The following RBFOX1 variants were observed in gnomAD, a reference collection of about 807,000 sequenced individuals.
The protein encoded by RBFOX1 is RNA binding protein fox-1 homolog 1.
Under a neutral mutation model 57.7 loss-of-function variants are expected in RBFOX1, and 8 were observed. The ratio of observed to expected loss-of-function variants is 0.14; its 90% confidence interval spans 0.08 to 0.25. The LOEUF (loss-of-function observed/expected upper bound fraction) is 0.25. RBFOX1 is among the 10% of genes least tolerant of loss of function. The pLI is 1.00. For missense variants in RBFOX1, 611 were observed against 548.5 expected (o/e 1.11, Z -1.14); for synonymous variants, 326 against 222.4 (o/e 1.47, Z -4.15).
intron 3 of RBFOX1, among the ~76,000 whole-genome samples, chr16:6,990,287 G>T (rs1210635587): frequency 1.3e-5 from 2 of 152,100 alleles, no homozygotes; most frequent in East Asian, 1.9e-4. Flanking sequence ...TACTTTGGGA[G>T]GCCGAGGCGG....
chr16:7,477,400 C>T (rs1436160992), intron 4 of RBFOX1, among the ~76,000 whole-genome samples: 2 of 152,122 alleles, frequency 1.3e-5, no homozygotes, highest in African/African-American at 2.4e-5. Flanking sequence ...GAGGGTTTAC[C>T]CGTGGGGGGT....
In RBFOX1 at chr16:7,217,180, C is replaced by G. The variant is rs921133664; in HGVS notation, c.27+165082C>G. On this transcript the variant is annotated intron_variant, in intron 4 of 15. Coordinates refer to ENST00000550418, the MANE Select transcript of RBFOX1 (RefSeq NM_018723.4). ...AGTGCAGTGGCACAATCTCAGCTCA[C>G]TGCAACCTCCGCCTTCCGGATTGAA... 2.0e-5 allele frequency among the ~76,000 whole-genome samples: 3 copies of G among 151,432 alleles called. No individual in the cohort carries two copies. In the East Asian group the frequency reaches 5.8e-4, roughly 29 times the overall value.
rs144240721 is a variant in RBFOX1 at position 5,615,578 on chromosome 16, C to A, written c.318+16617C>A. Among the ~76,000 whole-genome samples the A allele has an allele frequency of 4.8e-3, 730 of 152,328 alleles. 8 individuals carry two copies. The highest frequency in any genetic ancestry group is 0.017 in the African/African-American group (697 of 41,572). ...GCCAATCTGAAGATGTGGTGGGAGT[C>A]CCAGCTCCGTCCTGTTCCCATAGGT... On this transcript the variant is annotated intron_variant, in intron 3 of 19. Transcript: ENST00000641259.
chr16:6,205,052 A>C (rs908852724), intron 1 of RBFOX1, among the ~76,000 whole-genome samples: 4 of 152,184 alleles, frequency 2.6e-5, no homozygotes, highest in Admixed American at 6.6e-5. Context: ...TTAATATTTA[A>C]GAAGTAGGAC....
At chr16:5,571,676 A>T (rs1405743580) in intron 2 of RBFOX1, among the ~76,000 whole-genome samples, 1 of 152,164 alleles carries the variant, frequency 6.6e-6, no homozygotes, top group East Asian at 1.9e-4. Context: ...CAAAGAATGC[A>T]GTCATGCAGG....
chr16:6,562,101 T>A (rs1283073718), intron 2 of RBFOX1, among the ~76,000 whole-genome samples: 1 of 152,212 alleles, frequency 6.6e-6, no homozygotes, highest in East Asian at 1.9e-4. Flanking sequence ...TCTACTGATG[T>A]CGGCTGCATG....
chr16:5,299,626 C>G (rs145562942), intron 1 of RBFOX1, among the ~76,000 whole-genome samples: 140 of 152,298 alleles, frequency 9.2e-4, no homozygotes, highest in Non-Finnish European at 1.5e-3. Context: ...CCATTTCAGT[C>G]ATTGATTTTT....
chr16:6,702,699 A>T (rs943458002), intron 3 of RBFOX1, among the ~76,000 whole-genome samples: 1 of 152,204 alleles, frequency 6.6e-6, no homozygotes, highest in Non-Finnish European at 1.5e-5. Flanking sequence ...TGTACGGCAG[A>T]TACTGTTCTC....
Position 6,753,660 on chromosome 16 carries a change from C to T in RBFOX1, c.-16+99010C>T, listed in dbSNP as rs545172640. 3.9e-5 allele frequency among the ~76,000 whole-genome samples: 6 copies of T among 152,284 alleles called. No individual in the cohort carries two copies. In the South Asian group the frequency reaches 8.3e-4, roughly 21 times the overall value. The stretch of plus-strand genomic sequence containing the variant: ...AAAAAGAAACGTACTTCTCGCCTGC[C>T]TTCCTTTTCTGTCTCCCCGTGAGAA... On this transcript the variant is annotated intron_variant, in intron 3 of 15. Transcript: ENST00000550418.
chr16:6,052,301 C>T (rs1358757813), intron 1 of RBFOX1, among the ~76,000 whole-genome samples: 2 of 152,110 alleles, frequency 1.3e-5, no homozygotes, highest in African/African-American at 4.8e-5. Context: ...ATTCCTCTTC[C>T]CCCATTTTGC....
At chr16:6,197,154 C>G (rs768739522) in intron 1 of RBFOX1, among the ~76,000 whole-genome samples, 14 of 152,094 alleles carry the variant, frequency 9.2e-5, no homozygotes, top group Non-Finnish European at 2.1e-4. Flanking sequence ...TGCATGTCAC[C>G]AGAGGCTGTG....
At chr16:6,230,405 G>C (rs1388983675) in intron 1 of RBFOX1, among the ~76,000 whole-genome samples, 1 of 152,146 alleles carries the variant, frequency 6.6e-6, no homozygotes, top group African/African-American at 2.4e-5. Flanking sequence ...ATATGCCTCT[G>C]ATCACGCTAT....
At chr16:7,146,955 A>G (rs939498334) in intron 4 of RBFOX1, among the ~76,000 whole-genome samples, 1 of 72,088 alleles carries the variant, frequency 1.4e-5, no homozygotes, top group Admixed American at 1.7e-4. Context: ...CATCAAAATA[A>G]TGATAAAAAA....
At chr16:6,916,001 C>T (rs557119594) in intron 3 of RBFOX1, among the ~76,000 whole-genome samples, 13 of 141,966 alleles carry the variant, frequency 9.2e-5, no homozygotes, top group Non-Finnish European at 1.9e-4. Context: ...AGCTGTTTTA[C>T]TGGGAAAACT....
chr16:7,637,223 T>G (rs2143003550), intron 11 of RBFOX1, among the ~76,000 whole-genome samples: 1 of 151,428 alleles, frequency 6.6e-6, no homozygotes, highest in South Asian at 2.1e-4. Context: ...TAATAGAAGA[T>G]TAATTATCGT....
chr16:6,670,998 T>C (rs1355240658), intron 3 of RBFOX1, among the ~76,000 whole-genome samples: 3 of 152,128 alleles, frequency 2.0e-5, no homozygotes, highest in Non-Finnish European at 2.9e-5. Flanking sequence ...AGACTCCATC[T>C]CAAAAAAACA....
At chr16:7,483,779 G>A (rs948518949) in intron 4 of RBFOX1, among the ~76,000 whole-genome samples, 3 of 152,186 alleles carry the variant, frequency 2.0e-5, no homozygotes, top group African/African-American at 4.8e-5. Flanking sequence ...AGCCAGGCCT[G>A]GGAATAATTA....
chr16:7,084,247 T>C (rs1168993364), intron 4 of RBFOX1, among the ~76,000 whole-genome samples: 1 of 152,172 alleles, frequency 6.6e-6, no homozygotes, highest in African/African-American at 2.4e-5. Context: ...TATATGTATA[T>C]ATGTGTGTGT....
intron 4 of RBFOX1, among the ~76,000 whole-genome samples, chr16:7,496,724 C>G (rs2068771240): frequency 8.9e-6 from 1 of 111,746 alleles, no homozygotes; most frequent in African/African-American, 3.5e-5. Flanking sequence ...CTGCAGTGTT[C>G]TCATAGAAAA....
Sources: gnomAD v4.1 joint callset for allele counts (sites outside exome capture counted in the v4.1 genomes callset) on GRCh38, gnomAD v4.1.1 for gene constraint, MANE v1.5 for transcripts, NCBI Gene and HGNC (gene_info 2026-07-23, HGNC 2026-07-21) for gene names.